Variants in PARD3 observed in about 807,000 individuals in gnomAD.
The protein encoded by PARD3 is par-3 family cell polarity regulator, also known as partitioning defective 3 homolog.
In PARD3, 75 loss-of-function variants were observed where a neutral mutation model predicts 155.4. The observed-to-expected ratio is 0.48, with a 90% confidence interval of 0.40 to 0.58. PARD3 has a LOEUF of 0.58. PARD3 is among the 20% of genes least tolerant of loss of function. The pLI is 0.00. For missense variants in PARD3, 1,642 were observed against 1,721.7 expected (o/e 0.95, Z 0.82); for synonymous variants, 576 against 610.5 (o/e 0.94, Z 0.83).
intron 1 of PARD3, among the ~76,000 whole-genome samples, chr10:34,787,194 T>C (rs893673605): frequency 6.6e-5 from 10 of 152,198 alleles, no homozygotes; most frequent in Admixed American, 4.6e-4. Flanking sequence ...AGCTGACCAA[T>C]GTGGAAAAAC....
chr10:34,349,888 A>C (rs1837856907), intron 14 of PARD3, among the ~76,000 whole-genome samples: 1 of 152,224 alleles, frequency 6.6e-6, no homozygotes, highest in Non-Finnish European at 1.5e-5. Context: ...GGCTATTTTA[A>C]AATTTTATAA....
intron 22 of PARD3, among the ~76,000 whole-genome samples, chr10:34,240,024 A>T (rs1268235897): frequency 6.6e-6 from 1 of 152,210 alleles, no homozygotes; most frequent in Non-Finnish European, 1.5e-5. Flanking sequence ...ATCACTGAGC[A>T]ATCCTATGTG....
In PARD3 at chr10:34,645,043, G is replaced by C. The variant is rs1023217386; in HGVS notation, c.222+51275C>G. Among the ~76,000 whole-genome samples the C allele has an allele frequency of 2.0e-5, 3 of 152,014 alleles. No homozygotes were observed. The East Asian group carries it at 5.8e-4, about 29-fold the overall frequency. The stretch of plus-strand genomic sequence containing the variant: ...TAATTTTTTATATTTTGTAGTGATG[G>C]GGTCTCACTATGTTGCCCAGGCTGG... On this transcript the variant is annotated intron_variant, in intron 2 of 24. Transcript: ENST00000374788.
At chr10:34,161,963 T>C (rs1432699800) in intron 22 of PARD3, among the ~76,000 whole-genome samples, 1 of 152,184 alleles carries the variant, frequency 6.6e-6, no homozygotes, top group Non-Finnish European at 1.5e-5. Flanking sequence ...GTCAGTAATA[T>C]TAGTGTTATG....
chr10:34,700,506 C>T (rs2094254865), intron 1 of PARD3, among the ~76,000 whole-genome samples: 1 of 152,162 alleles, frequency 6.6e-6, no homozygotes, highest in Admixed American at 6.5e-5. Flanking sequence ...TAGCACCCTA[C>T]TTTTTCATTA....
In PARD3 at chr10:34,696,437, A is replaced by C. The variant is rs2133482247; in HGVS notation, c.121-18T>G. On this transcript the variant is annotated intron_variant, in intron 1 of 24. Coordinates refer to ENST00000374788, the MANE Select transcript of PARD3 (RefSeq NM_001184785.2). ...TTTGGATCCTATACGAAAGAACAGA[A>C]ACACTGAATATAGCAAGTTAGCATC... 7.1e-7 allele frequency: 1 copy of C among 1,411,076 alleles called. No individual in the cohort carries two copies. The highest frequency in any genetic ancestry group is 2.3e-5 in the East Asian group (1 of 43,996). 87.4% of individuals were successfully genotyped at this position (1,411,076 alleles called of 1,614,324 possible).
chr10:34,766,617 C>CAAAAAAAAA (rs34958448), intron 1 of PARD3, among the ~76,000 whole-genome samples: 2 of 81,770 alleles, frequency 2.4e-5, no homozygotes. Context: ...ACTTAATTGA[C>CAAAAAAAAA]AAAAAAAAAA....
At chr10:34,725,093 T>G (rs2094678210) in intron 1 of PARD3, among the ~76,000 whole-genome samples, 1 of 149,766 alleles carries the variant, frequency 6.7e-6, no homozygotes, top group Non-Finnish European at 1.5e-5. Flanking sequence ...AAGGATTGAA[T>G]GAGTCAAAAC....
chr10:34,760,762 T>A (rs75539707), intron 1 of PARD3, among the ~76,000 whole-genome samples: 2 of 151,946 alleles, frequency 1.3e-5, no homozygotes, highest in South Asian at 4.2e-4. Flanking sequence ...TGGTGAGGAG[T>A]TGACACCTCC....
intron 2 of PARD3, among the ~76,000 whole-genome samples, chr10:34,638,955 C>T (rs992755484): frequency 6.6e-6 from 1 of 152,164 alleles, no homozygotes; most frequent in Non-Finnish European, 1.5e-5. Context: ...ATATGAAATA[C>T]GGCTCTATGA....
chr10:34,186,073 C>G (rs1950481395), intron 22 of PARD3, among the ~76,000 whole-genome samples: 2 of 151,798 alleles, frequency 1.3e-5, no homozygotes, highest in South Asian at 2.1e-4. Context: ...AGGGAGCAGT[C>G]AGGACTTGGA....
intron 3 of PARD3, among the ~76,000 whole-genome samples, chr10:34,495,366 A>G (rs1184068383): frequency 6.6e-6 from 1 of 152,138 alleles, no homozygotes; most frequent in African/African-American, 2.4e-5. Flanking sequence ...TCAGAGTCCA[A>G]ATAAAGGAAA....
intron 5 of PARD3, among the ~76,000 whole-genome samples, chr10:34,405,512 A>G (rs1844372105): frequency 6.6e-6 from 1 of 152,214 alleles, no homozygotes; most frequent in Non-Finnish European, 1.5e-5. Context: ...TAGGATGAGT[A>G]AAGAAACCAA....
At chr10:34,810,454 C>G (rs1843994276) in intron 1 of PARD3, among the ~76,000 whole-genome samples, 1 of 152,124 alleles carries the variant, frequency 6.6e-6, no homozygotes. Context: ...TATTAAATCA[C>G]TCTAAAGTGA....
chr10:34,426,511 T>C (rs1255566954), intron 5 of PARD3, among the ~76,000 whole-genome samples: 1 of 152,184 alleles, frequency 6.6e-6, no homozygotes, highest in African/African-American at 2.4e-5. Flanking sequence ...TAGAATCCAC[T>C]TCTATAATTA....
chr10:34,294,089 A>G (rs950307619), intron 20 of PARD3, among the ~76,000 whole-genome samples: 1 of 141,466 alleles, frequency 7.1e-6, no homozygotes, highest in Non-Finnish European at 1.6e-5. Context: ...TCTCTAGGAC[A>G]AACAACAGGA....
At chr10:34,724,862 T>C (rs577933287) in intron 1 of PARD3, among the ~76,000 whole-genome samples, 68 of 152,182 alleles carry the variant, frequency 4.5e-4, no homozygotes, top group Non-Finnish European at 6.3e-4. Context: ...GCGGAGCAAA[T>C]GCTGGAGCAG....
intron 2 of PARD3, among the ~76,000 whole-genome samples, chr10:34,646,042 G>T (rs561757727): frequency 6.6e-6 from 1 of 152,108 alleles, no homozygotes; most frequent in Non-Finnish European, 1.5e-5. Flanking sequence ...AAAACATAGC[G>T]AGACGCAGGA....
chr10:34,648,094 T>G (rs535234916), intron 2 of PARD3, among the ~76,000 whole-genome samples: 1 of 152,202 alleles, frequency 6.6e-6, no homozygotes, highest in Non-Finnish European at 1.5e-5. Flanking sequence ...GGGATCGCCA[T>G]GCGGCCTGCA....
Sources: allele counts gnomAD v4.1 joint callset (sites outside exome capture counted in the v4.1 genomes callset), GRCh38; gene constraint gnomAD v4.1.1; transcripts MANE v1.5; gene names NCBI Gene and HGNC (gene_info 2026-07-23, HGNC 2026-07-21).